Variants in ZBTB20 observed in about 807,000 individuals in gnomAD.
ZBTB20 encodes the protein zinc finger and BTB domain containing 20.
In ZBTB20, 9 loss-of-function variants were observed where a neutral mutation model predicts 56.9. That is an observed-to-expected ratio of 0.16 (90% CI 0.10 to 0.28). The LOEUF is 0.28. ZBTB20 is among the 10% of genes least tolerant of loss of function. The probability of loss-of-function intolerance (pLI) is 1.00; values close to 1 mark genes in which losing one functional copy is unlikely to be tolerated. For synonymous variants in ZBTB20, 417 were observed against 420.7 expected (o/e 0.99, Z 0.11); for missense variants, 655 against 1,003.0 (o/e 0.65, Z 4.69).
At chr3:114,490,859 C>CA (rs1223951527) in intron 7 of ZBTB20, among the ~76,000 whole-genome samples, 2 of 152,070 alleles carry the variant, frequency 1.3e-5, no homozygotes, top group African/African-American at 4.8e-5. Flanking sequence ...AGCCAAAACA[C>CA]AAAAACAAAC....
chr3:115,136,890 C>T (rs991052027), intron 1 of ZBTB20, among the ~76,000 whole-genome samples: 6 of 152,020 alleles, frequency 3.9e-5, no homozygotes, highest in Admixed American at 1.3e-4. Context: ...AGGTATTTCT[C>T]TGAGGGTCAG....
intron 7 of ZBTB20, among the ~76,000 whole-genome samples, chr3:114,492,326 A>G (rs2042839619): frequency 6.6e-6 from 1 of 152,220 alleles, no homozygotes; most frequent in Admixed American, 6.5e-5. Context: ...CTATGTATCT[A>G]TCCAAAGTAC....
At chr3:114,720,434 A>T (rs2064837005) in intron 5 of ZBTB20, among the ~76,000 whole-genome samples, 1 of 152,100 alleles carries the variant, frequency 6.6e-6, no homozygotes, top group Non-Finnish European at 1.5e-5. Flanking sequence ...GTATTACTCT[A>T]CCATTGACGT....
chr3:114,384,782 CCA>C (rs2084885219), intron 8 of ZBTB20, among the ~76,000 whole-genome samples: 1 of 152,064 alleles, frequency 6.6e-6, no homozygotes, highest in South Asian at 2.1e-4. Flanking sequence ...CCTAACTAGA[CCA>C]TATTGTATGT....
intron 7 of ZBTB20, among the ~76,000 whole-genome samples, chr3:114,464,324 T>C (rs1290036749): frequency 6.6e-6 from 1 of 152,162 alleles, no homozygotes. Flanking sequence ...TCAATCTAAT[T>C]ATAGAAGTGA....
At chr3:114,983,555 C>T (rs950971453) in intron 2 of ZBTB20, among the ~76,000 whole-genome samples, 3 of 151,914 alleles carry the variant, frequency 2.0e-5, no homozygotes, top group African/African-American at 7.2e-5. Flanking sequence ...AAGCAAAGCA[C>T]CTGATCAGTA....
At chr3:115,025,966 C>A (rs910801690) in intron 2 of ZBTB20, among the ~76,000 whole-genome samples, 7 of 150,548 alleles carry the variant, frequency 4.6e-5, no homozygotes, top group African/African-American at 1.7e-4. Flanking sequence ...ATGCCTAACA[C>A]AAAGTAACTG....
intron 10 of ZBTB20, among the ~76,000 whole-genome samples, chr3:114,376,855 A>G (rs1212756056): frequency 6.6e-6 from 1 of 152,252 alleles, no homozygotes; most frequent in African/African-American, 2.4e-5. Context: ...AGGTGGATCT[A>G]CAGCAGAAGT....
chr3:114,609,333 G>T (rs2107678542), intron 6 of ZBTB20, among the ~76,000 whole-genome samples: 1 of 152,280 alleles, frequency 6.6e-6, no homozygotes, highest in South Asian at 2.1e-4. Flanking sequence ...AGATGGAGGA[G>T]CAATGACTAT....
chr3:114,702,314 C>T (rs1444455406), intron 5 of ZBTB20, among the ~76,000 whole-genome samples: 7 of 152,190 alleles, frequency 4.6e-5, no homozygotes, highest in Admixed American at 6.5e-5. Flanking sequence ...TGCTACTGCA[C>T]TCCAGTCTGA....
chr3:114,417,945 G>T (rs1410490264), intron 7 of ZBTB20, among the ~76,000 whole-genome samples: 1 of 151,986 alleles, frequency 6.6e-6, no homozygotes, highest in African/African-American at 2.4e-5. Flanking sequence ...TAGTGACCAA[G>T]ATTGGACCCA....
chr3:115,077,595 T>G (rs2082641350), intron 1 of ZBTB20, among the ~76,000 whole-genome samples: 1 of 152,224 alleles, frequency 6.6e-6, no homozygotes, highest in African/African-American at 2.4e-5. Context: ...AAAGATTTAT[T>G]TAAAGTAGAC....
chr3:114,883,585 G>A (rs2076478021), intron 4 of ZBTB20, among the ~76,000 whole-genome samples: 1 of 152,138 alleles, frequency 6.6e-6, no homozygotes, highest in Admixed American at 6.5e-5. Flanking sequence ...TGGATAACCT[G>A]ATAGTGCATG....
At chr3:114,462,686 T>A (rs1464550103) in intron 7 of ZBTB20, among the ~76,000 whole-genome samples, 1 of 152,158 alleles carries the variant, frequency 6.6e-6, no homozygotes, top group Non-Finnish European at 1.5e-5. Context: ...TTTTAGAGGT[T>A]CAAGTCCAAA....
At chr3:114,504,309 T>A (rs761534772) in intron 6 of ZBTB20, among the ~76,000 whole-genome samples, 3 of 152,242 alleles carry the variant, frequency 2.0e-5, no homozygotes, top group Non-Finnish European at 4.4e-5. Context: ...TAAGAATCAC[T>A]ATCTACTGAG....
At chr3:114,483,762 A>G (rs959905171) in intron 7 of ZBTB20, among the ~76,000 whole-genome samples, 6 of 152,176 alleles carry the variant, frequency 3.9e-5, no homozygotes, top group African/African-American at 1.4e-4. Flanking sequence ...GAGGCTTTTA[A>G]GAGAATTTTA....
chr3:114,337,939 G>T lies in ZBTB20; in HGVS notation c.*1066C>A. 1 of 148,752 alleles carries T rather than the reference G, an allele frequency of 6.7e-6. No homozygotes were observed. Among genetic ancestry groups the T allele is most frequent in the African/African-American group, 2.5e-5 (1 of 40,348 alleles). 9.2% of individuals were successfully genotyped at this position (148,752 alleles called of 1,614,324 possible). The stretch of plus-strand genomic sequence containing the variant: ...TTTTTTTTTTTACACAAATACTGTT[G>T]TAAATATATTAAAAAAATCAGCATT... On this transcript the variant is annotated 3_prime_UTR_variant, in exon 12 of 12. Transcript: ENST00000675478.
intron 1 of ZBTB20, among the ~76,000 whole-genome samples, chr3:115,141,600 CT>C (rs1463808188): frequency 1.3e-5 from 2 of 152,152 alleles, no homozygotes; most frequent in Non-Finnish European, 2.9e-5. Flanking sequence ...AGTAGGGTGA[CT>C]GACCCAGTGC....
At position 114,592,279 on chromosome 3, in the gene ZBTB20, T is replaced by C. The variant is rs190237528; in HGVS notation, c.-294-91888A>G. Among the ~76,000 whole-genome samples, 146 of 152,332 alleles carry C rather than the reference T, an allele frequency of 9.6e-4. 1 individual carries two copies. Among genetic ancestry groups the C allele is most frequent in the Middle Eastern group, 3.4e-3 (1 of 294 alleles). On this transcript the variant is annotated intron_variant, in intron 6 of 11. Transcript: ENST00000675478. ...CTGGTTACGTGGAGTTATATCATAA[T>C]ACTAGCTTTGCCTTAGTTCAGCAAA...
Sources: gnomAD v4.1 joint callset for allele counts (sites outside exome capture counted in the v4.1 genomes callset) on GRCh38, gnomAD v4.1.1 for gene constraint, MANE v1.5 for transcripts, NCBI Gene and HGNC (gene_info 2026-07-23, HGNC 2026-07-21) for gene names.